Variants in TUSC3 observed in about 807,000 individuals in gnomAD.
The protein encoded by TUSC3 is dolichyl-diphosphooligosaccharide--protein glycosyltransferase subunit TUSC3.
TUSC3 carries 45 observed loss-of-function variants against 44.8 expected under a neutral mutation model. The ratio of observed to expected loss-of-function variants is 1.00; its 90% CI spans 0.79 to 1.29. The LOEUF (loss-of-function observed/expected upper bound fraction) is 1.29. Ranked by LOEUF, TUSC3 falls within the 50% of genes most tolerant of loss-of-function variation. The pLI, the probability that TUSC3 is intolerant of heterozygous loss-of-function variation, is 0.00. For synonymous variants in TUSC3, 212 were observed against 152.9 expected, an observed-to-expected ratio of 1.39 and a Z score of -2.85; for missense variants, 519 against 437.9, an observed-to-expected ratio of 1.19 and a Z score of -1.65.
At chr8:15,579,144 T>C (rs1803225689) in intron 1 of TUSC3, among the ~76,000 whole-genome samples, 1 of 151,886 alleles carries the variant, frequency 6.6e-6, no homozygotes, top group East Asian at 1.9e-4. Context: ...TTTGTATTTC[T>C]GTGGGATTGG....
chr8:15,667,373 TG>T (rs988952541), intron 5 of TUSC3, among the ~76,000 whole-genome samples: 4 of 151,644 alleles, frequency 2.6e-5, no homozygotes, highest in African/African-American at 9.7e-5. Context: ...TTTTAAAAAA[TG>T]AACAATAAAT....
At chr8:15,534,598 G>C (rs908911561) in intron 2 of TUSC3, among the ~76,000 whole-genome samples, 1 of 149,780 alleles carries the variant, frequency 6.7e-6, no homozygotes, top group Non-Finnish European at 1.5e-5. Flanking sequence ...GGCCGAGATC[G>C]CGCCACTGCA....
the TUSC3 span, among the ~76,000 whole-genome samples, chr8:15,835,153 C>T: frequency 6.6e-6 from 1 of 152,110 alleles, no homozygotes; most frequent in African/African-American, 2.4e-5. Flanking sequence ...TCTTTTTAGA[C>T]TTATCCTTTT....
chr8:15,531,774 C>G (rs1801454016), intron 2 of TUSC3, among the ~76,000 whole-genome samples: 1 of 152,140 alleles, frequency 6.6e-6, no homozygotes, highest in South Asian at 2.1e-4. Flanking sequence ...GTAACATTTC[C>G]TCCATGTTTT....
At chr8:15,705,479 T>A (rs1480757818) in intron 6 of TUSC3, among the ~76,000 whole-genome samples, 1 of 152,054 alleles carries the variant, frequency 6.6e-6, no homozygotes, top group East Asian at 1.9e-4. Flanking sequence ...TAAATAAAAA[T>A]TTATATAAAC....
In TUSC3 at chr8:15,676,922, G is replaced by T. The variant is rs547252715; in HGVS notation, c.798+3086G>T. On this transcript the variant is annotated intron_variant, in intron 6 of 10. Transcript: ENST00000503731. Reference sequence around the variant, plus strand: ...AATTTGAAAAACTGAAATAGCTAGAGCTTAGGATCATGGTGACCTACATTT... The same window carrying T: ...AATTTGAAAAACTGAAATAGCTAGATCTTAGGATCATGGTGACCTACATTT... Among the ~76,000 whole-genome samples, 17 of 152,268 alleles carry T rather than the reference G, an allele frequency of 1.1e-4. No homozygotes were observed. In the South Asian group the frequency reaches 3.3e-3, roughly 30 times the overall value.
intron 4 of TUSC3, among the ~76,000 whole-genome samples, 192 bp from the exon 5 acceptor site, chr8:15,661,964 T>A (rs1807445286): frequency 6.6e-6 from 1 of 151,980 alleles, no homozygotes; most frequent in African/African-American, 2.4e-5. Context: ...AAGTGCAAAG[T>A]CGTTTTACAT....
At chr8:15,810,729 C>G in the TUSC3 span, among the ~76,000 whole-genome samples, 1 of 152,112 alleles carries the variant, frequency 6.6e-6, no homozygotes, top group African/African-American at 2.4e-5. Context: ...GCCACATGGC[C>G]AGCAGATTGA....
chr8:15,534,223 T>C, intron 2 of TUSC3, among the ~76,000 whole-genome samples: 1 of 152,152 alleles, frequency 6.6e-6, no homozygotes, highest in Non-Finnish European at 1.5e-5. Flanking sequence ...CAAGATAAAA[T>C]AATAACTTTT....
intron 1 of TUSC3, among the ~76,000 whole-genome samples, chr8:15,604,116 A>G (rs1034414716): frequency 2.6e-5 from 4 of 151,760 alleles, no homozygotes; most frequent in African/African-American, 9.7e-5. Flanking sequence ...TTCTAAAACA[A>G]AAGTTTGAAT....
At chr8:15,608,301 T>A (rs1306085154) in intron 1 of TUSC3, among the ~76,000 whole-genome samples, 2 of 151,968 alleles carry the variant, frequency 1.3e-5, no homozygotes, top group Admixed American at 1.3e-4. Flanking sequence ...ATTCCTTAGT[T>A]TTTTTTTGCT....
At chr8:15,707,076 G>C (rs1014308120) in intron 6 of TUSC3, among the ~76,000 whole-genome samples, 1 of 151,894 alleles carries the variant, frequency 6.6e-6, no homozygotes, top group Admixed American at 6.6e-5. Context: ...ATGTCTCAAA[G>C]CTTTATCACC....
intron 1 of TUSC3, among the ~76,000 whole-genome samples, chr8:15,456,204 T>A (rs955380659): frequency 3.9e-5 from 6 of 152,108 alleles, no homozygotes; most frequent in African/African-American, 1.4e-4. Context: ...ATTTGAGTAA[T>A]AAATCTGTAT....
chr8:15,759,138 T>A (rs1293891019), intron 10 of TUSC3, among the ~76,000 whole-genome samples: 1 of 152,264 alleles, frequency 6.6e-6, no homozygotes, highest in East Asian at 1.9e-4. Context: ...ACAAGGTCAA[T>A]GGGCCGGAAT....
At chr8:15,794,226 G>A in the TUSC3 span, among the ~76,000 whole-genome samples, 1 of 152,112 alleles carries the variant, frequency 6.6e-6, no homozygotes, top group African/African-American at 2.4e-5. Flanking sequence ...GTCGTTTTTT[G>A]ACTCTGACTC....
At chr8:15,841,279 G>A in the TUSC3 span, among the ~76,000 whole-genome samples, 2 of 151,710 alleles carry the variant, frequency 1.3e-5, no homozygotes, top group African/African-American at 4.8e-5. Context: ...ACTAGGAATT[G>A]GATTATATAT....
intron 1 of TUSC3, among the ~76,000 whole-genome samples, chr8:15,466,133 A>AATG (rs1368719701): frequency 1.3e-5 from 2 of 152,150 alleles, no homozygotes; most frequent in Non-Finnish European, 2.9e-5. Flanking sequence ...AACAAACTGT[A>AATG]ATGACCTCAC....
the TUSC3 span, among the ~76,000 whole-genome samples, chr8:15,804,905 G>T: frequency 6.6e-6 from 1 of 152,106 alleles, no homozygotes; most frequent in Non-Finnish European, 1.5e-5. Flanking sequence ...CACTGAATTT[G>T]TAGATTGCTT....
chr8:15,484,223 C>A (rs976149021), intron 2 of TUSC3, among the ~76,000 whole-genome samples: 4 of 151,932 alleles, frequency 2.6e-5, no homozygotes, highest in African/African-American at 9.7e-5. Flanking sequence ...CATAAATTTG[C>A]TAATTGTTTT....
Sources: gnomAD v4.1 joint callset for allele counts (sites outside exome capture counted in the v4.1 genomes callset) on GRCh38, gnomAD v4.1.1 for gene constraint, MANE v1.5 for transcripts, NCBI Gene and HGNC (gene_info 2026-07-23, HGNC 2026-07-21) for gene names.